Variants in C8orf34 observed in about 807,000 individuals in gnomAD.
C8orf34 encodes the protein chromosome 8 open reading frame 34, also known as uncharacterized protein C8orf34.
In C8orf34, 65 loss-of-function variants were observed where a neutral mutation model predicts 68.3. The observed-to-expected ratio is 0.95, with a 90% CI of 0.78 to 1.17. The LOEUF is 1.17. C8orf34 is among the 50% of genes most tolerant of loss of function. The probability of loss-of-function intolerance (pLI) is 0.00; values close to 1 mark genes in which losing one functional copy is unlikely to be tolerated. For missense variants in C8orf34, 664 were observed against 655.4 expected, an observed-to-expected ratio of 1.01 and a Z score of -0.14; for synonymous variants, 244 against 241.2, an observed-to-expected ratio of 1.01 and a Z score of -0.11.
At chr8:68,802,036 G>A (rs1824341678) in intron 12 of C8orf34, among the ~76,000 whole-genome samples, 1 of 151,968 alleles carries the variant, frequency 6.6e-6, no homozygotes, top group Admixed American at 6.6e-5. Flanking sequence ...TTTATAAAGT[G>A]GCTTTAGCAT....
At chr8:68,425,324 G>A (rs1810162839) in intron 1 of C8orf34, among the ~76,000 whole-genome samples, 1 of 152,128 alleles carries the variant, frequency 6.6e-6, no homozygotes, top group Non-Finnish European at 1.5e-5. Flanking sequence ...ATACAGATTT[G>A]AATGGGATAA....
chr8:68,549,690 G>A (rs1816000986), intron 7 of C8orf34, among the ~76,000 whole-genome samples: 1 of 151,782 alleles, frequency 6.6e-6, no homozygotes, highest in East Asian at 1.9e-4. Flanking sequence ...AAATGATAAT[G>A]ATGATATTGA....
chr8:68,560,429 A>G (rs2130156661), intron 7 of C8orf34, among the ~76,000 whole-genome samples: 1 of 152,270 alleles, frequency 6.6e-6, no homozygotes, highest in East Asian at 1.9e-4. Context: ...ATTAGTGACA[A>G]CAGATTTACC....
chr8:68,704,624 G>GTC (rs1821112992), intron 8 of C8orf34, among the ~76,000 whole-genome samples: 1 of 151,992 alleles, frequency 6.6e-6, no homozygotes, highest in African/African-American at 2.4e-5. Context: ...TAAAATTACT[G>GTC]TCTCTCTCTC....
At chr8:68,722,724 T>C (rs1484892059) in intron 10 of C8orf34, among the ~76,000 whole-genome samples, 3 of 151,998 alleles carry the variant, frequency 2.0e-5, no homozygotes, top group Non-Finnish European at 4.4e-5. Flanking sequence ...TTTTTGTACA[T>C]TTTTTTCACT....
At chr8:68,525,954 TTC>T (rs1407620190) in intron 6 of C8orf34, 4 of 236,216 alleles carry the variant, frequency 1.7e-5, no homozygotes, top group Non-Finnish European at 3.1e-5. Context: ...ATTTCTTTCT[TTC>T]TTTTTTTTTT....
chr8:68,396,741 A>AAAAAAG (rs1808727602), intron 1 of C8orf34, among the ~76,000 whole-genome samples: 1 of 143,032 alleles, frequency 7.0e-6, no homozygotes, highest in African/African-American at 2.7e-5. Flanking sequence ...AAAAAAAAAA[A>AAAAAAG]GCCTGGTGCC....
intron 1 of C8orf34, among the ~76,000 whole-genome samples, chr8:68,403,274 C>T (rs1056605017): frequency 6.6e-6 from 1 of 152,184 alleles, no homozygotes; most frequent in Non-Finnish European, 1.5e-5. Context: ...CTTGCTCATT[C>T]TTGCCATTTG....
At chr8:68,535,225 A>G in intron 7 of C8orf34, 3 of 979,192 alleles carry the variant, frequency 3.1e-6, no homozygotes, top group Non-Finnish European at 3.6e-6. Context: ...TGTGAAATCT[A>G]ATTTTATAGA....
At chr8:68,643,023 T>C (rs1819058775) in intron 8 of C8orf34, among the ~76,000 whole-genome samples, 1 of 152,160 alleles carries the variant, frequency 6.6e-6, no homozygotes, top group Admixed American at 6.5e-5. Flanking sequence ...CCTCCTGCTG[T>C]GCCAGGAGGT....
intron 13 of C8orf34, among the ~76,000 whole-genome samples, chr8:68,816,366 A>G (rs1427690314): frequency 1.3e-5 from 2 of 152,158 alleles, no homozygotes; most frequent in Non-Finnish European, 2.9e-5. Flanking sequence ...TCTCAGAACA[A>G]TTTCGTGTCC....
At chr8:68,458,187 C>A (rs549248180) in intron 3 of C8orf34, among the ~76,000 whole-genome samples, 1 of 152,132 alleles carries the variant, frequency 6.6e-6, no homozygotes, top group Non-Finnish European at 1.5e-5. Context: ...TCTCAAAAGT[C>A]GCCAAGGAAA....
At chr8:68,461,245 C>G (rs557456074) in intron 3 of C8orf34, among the ~76,000 whole-genome samples, 27 of 151,988 alleles carry the variant, frequency 1.8e-4, no homozygotes, top group African/African-American at 6.5e-4. Flanking sequence ...TAGAGAAAAA[C>G]GAATAAAAAG....
intron 8 of C8orf34, among the ~76,000 whole-genome samples, chr8:68,691,884 A>G (rs1820695845): frequency 6.6e-6 from 1 of 152,062 alleles, no homozygotes; most frequent in African/African-American, 2.4e-5. Context: ...AGCAAAAATA[A>G]TGGTAATAAT....
intron 1 of C8orf34, among the ~76,000 whole-genome samples, chr8:68,366,112 CAGAG>C (rs1469095102): frequency 1.9e-5 from 1 of 52,920 alleles, no homozygotes; most frequent in African/African-American, 1.8e-4. Context: ...AACACACAAA[CAGAG>C]AGCCAAATCA....
At chr8:68,454,653 C>T (rs949872659) in intron 3 of C8orf34, among the ~76,000 whole-genome samples, 3 of 151,986 alleles carry the variant, frequency 2.0e-5, no homozygotes, top group Non-Finnish European at 4.4e-5. Context: ...TTCAATCAAT[C>T]TAGCTAAAGT....
chr8:68,423,202 C>G lies in C8orf34; in HGVS notation c.328-16297C>G, dbSNP rs150029408. 3.3e-5 allele frequency among the ~76,000 whole-genome samples: 5 copies of G among 152,272 alleles called. No individual in the cohort carries two copies. The East Asian group carries it at 9.7e-4, about 29-fold the overall frequency. On this transcript the variant is annotated intron_variant, in intron 1 of 13. Coordinates refer to ENST00000518698, the MANE Select transcript of C8orf34 (RefSeq NM_052958.4). ...CAGAAAATGAGTTTTTCCCTTCTAT[C>G]ACATTGTCAGTCTGCAAATTTTCTA...
chr8:68,778,564 A>G (rs1415624705), intron 11 of C8orf34, among the ~76,000 whole-genome samples: 1 of 152,114 alleles, frequency 6.6e-6, no homozygotes, highest in African/African-American at 2.4e-5. Flanking sequence ...TTTATTCAAC[A>G]TCTTCTATTT....
chr8:68,335,814 T>C (rs1805823043), intron 1 of C8orf34, among the ~76,000 whole-genome samples: 2 of 152,170 alleles, frequency 1.3e-5, no homozygotes, highest in African/African-American at 4.8e-5. Context: ...GCATGGTGGT[T>C]CATGCCTGTA....
Sources: gnomAD v4.1 joint callset for allele counts (sites outside exome capture counted in the v4.1 genomes callset) on GRCh38, gnomAD v4.1.1 for gene constraint, MANE v1.5 for transcripts, NCBI Gene and HGNC (gene_info 2026-07-23, HGNC 2026-07-21) for gene names.